Variants in CEP63 observed in about 807,000 individuals in gnomAD.
The protein encoded by CEP63 is centrosomal protein of 63 kDa.
A neutral mutation model predicts 89.1 loss-of-function variants in CEP63; 84 were observed. The observed-to-expected ratio is 0.94, with a 90% confidence interval of 0.79 to 1.13. The LOEUF (loss-of-function observed/expected upper bound fraction) is 1.13, where lower values mean the gene tolerates loss of function less well. Among genes scored for constraint, CEP63 ranks in the 50% most tolerant of loss-of-function variants. The pLI is 0.00. For missense variants in CEP63, 838 were observed against 813.3 expected (o/e 1.03, Z -0.37); for synonymous variants, 267 against 272.5 (o/e 0.98, Z 0.20).
the CEP63 span, among the ~76,000 whole-genome samples, chr3:134,739,449 C>A: frequency 7.3e-4 from 111 of 152,080 alleles, no homozygotes; most frequent in Middle Eastern, 3.4e-3. Context: ...ATATATATAC[C>A]GGGAGATTAG....
At chr3:134,502,008 T>C (rs1942143263) in intron 2 of CEP63, among the ~76,000 whole-genome samples, 1 of 152,228 alleles carries the variant, frequency 6.6e-6, no homozygotes. Context: ...GTTCCTTCGA[T>C]GCCTAGTTTG....
chr3:134,719,084 A>T, the CEP63 span, among the ~76,000 whole-genome samples: 94 of 152,322 alleles, frequency 6.2e-4, no homozygotes, highest in Admixed American at 6.1e-3. Context: ...GAAAGCTGCT[A>T]AACTACCATA....
At position 134,528,338 on chromosome 3, in the gene CEP63, C is replaced by T. The variant is rs559662018; in HGVS notation, c.223-3507C>T. ...GCTGTGTCTAGTCAGCCATCTTGCC[C>T]TCCCCCTGGTTTTTTTCTCCCCCGT... On this transcript the variant is annotated intron_variant, in intron 3 of 14. Transcript: ENST00000675561. 6.9e-4 allele frequency among the ~76,000 whole-genome samples: 105 copies of T among 152,294 alleles called. 1 individual carries two copies. In the Middle Eastern group the frequency reaches 0.024, roughly 35 times the overall value.
chr3:134,486,006 C>T (rs1047639405), upstream of CEP63: 1 of 984,856 alleles, frequency 1.0e-6, no homozygotes, highest in East Asian at 1.1e-4. Context: ...CCCCCCCTCC[C>T]CCGCATCACG....
Position 134,542,741 on chromosome 3 carries a change from CT to C in CEP63, c.556-2842del, listed in dbSNP as rs1952313430. ...AATTTCTTCTCCACTCTCTTTCACA[CT>C]TTAGCTGGCCACACTGGCCTTTTGT... On this transcript the variant is annotated intron_variant, in intron 6 of 14. Coordinates refer to ENST00000675561, the MANE Select transcript of CEP63 (RefSeq NM_001353108.3). 1.3e-5 allele frequency among the ~76,000 whole-genome samples: 2 copies of C among 152,308 alleles called. 1 individual carries two copies. The highest frequency in any genetic ancestry group is 4.8e-5 in the African/African-American group (2 of 41,574).
At chr3:134,616,046 A>C in the CEP63 span, among the ~76,000 whole-genome samples, 1 of 152,216 alleles carries the variant, frequency 6.6e-6, no homozygotes, top group Admixed American at 6.5e-5. Flanking sequence ...CGGGAAGAGA[A>C]TTTACTGGAG....
chr3:134,612,084 G>C, the CEP63 span, among the ~76,000 whole-genome samples: 1 of 152,154 alleles, frequency 6.6e-6, no homozygotes, highest in African/African-American at 2.4e-5. Flanking sequence ...CTCACCTGTG[G>C]AAAGTCCGGG....
the CEP63 span, among the ~76,000 whole-genome samples, chr3:134,657,329 T>TG: frequency 6.6e-6 from 1 of 152,198 alleles, no homozygotes; most frequent in East Asian, 1.9e-4. Flanking sequence ...ACAGGAATTC[T>TG]GGGAGATACA....
chr3:134,594,590 C>G, the CEP63 span, among the ~76,000 whole-genome samples: 1,819 of 152,234 alleles, frequency 0.012, 31 homozygotes, highest in African/African-American at 0.04. Flanking sequence ...GGCAATTTTT[C>G]TCCTCTTGTA....
chr3:134,709,979 C>T, the CEP63 span, among the ~76,000 whole-genome samples: 1 of 152,292 alleles, frequency 6.6e-6, no homozygotes, highest in South Asian at 2.1e-4. Flanking sequence ...TTGTCTTCTC[C>T]CCACTCCTCC....
chr3:134,761,304 A>G, the CEP63 span, among the ~76,000 whole-genome samples: 1 of 152,218 alleles, frequency 6.6e-6, no homozygotes, highest in South Asian at 2.1e-4. Flanking sequence ...ATGCACATGA[A>G]TATGTAAAAT....
At chr3:134,610,146 C>G in the CEP63 span, 1 of 1,566,516 alleles carries the variant, frequency 6.4e-7, no homozygotes, top group East Asian at 2.2e-5. Context: ...CTGGCACATC[C>G]TCCACTTCCA....
the CEP63 span, among the ~76,000 whole-genome samples, chr3:134,643,859 C>T: frequency 2.0e-5 from 3 of 149,840 alleles, no homozygotes; most frequent in Non-Finnish European, 4.4e-5. Flanking sequence ...CGGAGTCTCG[C>T]TCTGTCACCC....
the CEP63 span, among the ~76,000 whole-genome samples, chr3:134,699,227 T>A: frequency 6.6e-6 from 1 of 152,230 alleles, no homozygotes; most frequent in Non-Finnish European, 1.5e-5. Context: ...TAAACAGTTG[T>A]TAAATGAATG....
the CEP63 span, among the ~76,000 whole-genome samples, chr3:134,656,116 T>A: frequency 6.6e-6 from 1 of 152,142 alleles, no homozygotes; most frequent in Non-Finnish European, 1.5e-5. Flanking sequence ...GACCTCACTA[T>A]GTGCAATGCC....
At chr3:134,511,851 C>T (rs536377471) in intron 3 of CEP63, among the ~76,000 whole-genome samples, 1 of 152,320 alleles carries the variant, frequency 6.6e-6, no homozygotes, top group African/African-American at 2.4e-5. Context: ...ACATTGAAGA[C>T]TACAGTTCAA....
At chr3:134,704,922 G>C in the CEP63 span, among the ~76,000 whole-genome samples, 4,836 of 152,288 alleles carry the variant, frequency 0.032, 151 homozygotes, top group Non-Finnish European at 0.04. Flanking sequence ...AGCAGAATCA[G>C]CTTGATTCTC....
chr3:134,523,894 A>G (rs1948059181), intron 3 of CEP63, among the ~76,000 whole-genome samples: 1 of 152,012 alleles, frequency 6.6e-6, no homozygotes, highest in Admixed American at 6.6e-5. Flanking sequence ...TTCCATATGA[A>G]TTTTAAAATA....
At chr3:134,737,315 T>C in the CEP63 span, among the ~76,000 whole-genome samples, 2 of 152,114 alleles carry the variant, frequency 1.3e-5, no homozygotes, top group Non-Finnish European at 2.9e-5. Context: ...TCTATTACAA[T>C]TAAAAACTTG....
Sources: allele counts gnomAD v4.1 joint callset (sites outside exome capture counted in the v4.1 genomes callset), GRCh38; gene constraint gnomAD v4.1.1; transcripts MANE v1.5; gene names NCBI Gene and HGNC (gene_info 2026-07-23, HGNC 2026-07-21).